The following UBXN8 variants were observed in gnomAD, a reference collection of about 807,000 sequenced individuals.
UBXN8 encodes UBX domain-containing protein 8.
Under a neutral mutation model 32.1 loss-of-function variants are expected in UBXN8, and 27 were observed. That is an observed-to-expected ratio of 0.84 (90% CI 0.62 to 1.16). The LOEUF (loss-of-function observed/expected upper bound fraction) is 1.16. UBXN8 is among the 50% of genes most tolerant of loss of function. The pLI is 0.00. For synonymous variants in UBXN8, 109 were observed against 111.8 expected (o/e 0.98, Z 0.16); for missense variants, 306 against 311.4 (o/e 0.98, Z 0.13).
chr8:30,729,342 C>A (rs1804896169), upstream of UBXN8, among the ~76,000 whole-genome samples: 1 of 152,238 alleles, frequency 6.6e-6, no homozygotes, highest in African/African-American at 2.4e-5. Flanking sequence ...ACATTTGAAA[C>A]TTGGTAAGAC....
chr8:30,760,766 T>A (rs1421545354), intron 5 of UBXN8, 122 bp from the exon 6 acceptor site: 2 of 645,576 alleles, frequency 3.1e-6, no homozygotes, highest in Middle Eastern at 2.8e-4. Context: ...TATAGATGTA[T>A]GAAGAAAAGA....
In UBXN8 at chr8:30,747,853, C is replaced by T. The variant is rs1363177944; in HGVS notation, c.89-3543C>T. Among the ~76,000 whole-genome samples the T allele has an allele frequency of 6.9e-5, 8 of 115,312 alleles. 1 individual carries two copies. The highest frequency in any genetic ancestry group is 1.4e-4 in the Non-Finnish European group (8 of 58,198). The allele number at this position is 115,312 out of a possible 152,430, so 75.6% of individuals were successfully genotyped here. On this transcript the variant is annotated intron_variant, in intron 1 of 7. Coordinates refer to ENST00000265616, the MANE Select transcript of UBXN8 (RefSeq NM_005671.4). The stretch of plus-strand genomic sequence containing the variant: ...GTGGCTCATGCCTGTAATCCCAGCA[C>T]TTTGGGAGGCCAAGTTTTCTTTTTT...
chr8:30,742,176 ATAAT>A (rs1805220151), upstream of UBXN8, among the ~76,000 whole-genome samples: 2 of 152,296 alleles, frequency 1.3e-5, no homozygotes, highest in African/African-American at 2.4e-5. Flanking sequence ...ACTAGTCAAT[ATAAT>A]TAATTATTTT....
chr8:30,753,150 A>C (rs1805560139), intron 3 of UBXN8, 45 bp downstream of exon 3: 3 of 1,443,714 alleles, frequency 2.1e-6, no homozygotes, highest in South Asian at 1.6e-5. Flanking sequence ...GAAATACAAA[A>C]ATCTCTGAGG....
intron 5 of UBXN8, among the ~76,000 whole-genome samples, chr8:30,760,063 T>TC (rs1805788678): frequency 3.6e-5 from 3 of 84,280 alleles, no homozygotes; most frequent in Non-Finnish European, 8.2e-5. Context: ...AATTTTCTTT[T>TC]CTTTTTTTTT....
chr8:30,760,885 T>C lies in UBXN8; in HGVS notation c.529-3T>C, dbSNP rs373191831. 71 of 1,533,844 alleles carry C rather than the reference T, an allele frequency of 4.6e-5. No individual in the cohort carries two copies. Among genetic ancestry groups the C allele is most frequent in the Non-Finnish European group, 4.7e-5 (54 of 1,136,932 alleles). On this transcript the variant is annotated splice_region_variant and splice_polypyrimidine_tract_variant and intron_variant, in intron 5 of 7. Coordinates refer to ENST00000265616, the MANE Select transcript of UBXN8 (RefSeq NM_005671.4). The stretch of plus-strand genomic sequence containing the variant: ...CATTCCTCTTACCAATACTTTTCTT[T>C]AGATTCCTGATTTACCTGAAGAACC...
At chr8:30,732,396 G>C (rs946622130), upstream of UBXN8, 3 of 380,392 alleles carry the variant, frequency 7.9e-6, no homozygotes, top group African/African-American at 7.3e-5. Flanking sequence ...TTTACTATCC[G>C]ACGGGGAGTG....
At chr8:30,763,063 C>T in intron 6 of UBXN8, 2 of 525,704 alleles carry the variant, frequency 3.8e-6, no homozygotes, top group South Asian at 2.4e-5. Context: ...CGGGGGGTGT[C>T]TCAAACTCCT....
intron 5 of UBXN8, among the ~76,000 whole-genome samples, chr8:30,758,994 C>T (rs554439148): frequency 1.1e-4 from 16 of 147,976 alleles, no homozygotes; most frequent in Admixed American, 6.8e-4. Context: ...CCCGGCTTCA[C>T]GCCATTCTCC....
At chr8:30,743,591 G>A (rs1805265615), upstream of UBXN8, among the ~76,000 whole-genome samples, 1 of 152,186 alleles carries the variant, frequency 6.6e-6, no homozygotes, top group African/African-American at 2.4e-5. Context: ...AACGCGTGCA[G>A]GCAAAACTGA....
rs1805009169 is a variant in UBXN8, at chr8:30,733,307, AG to A, written c.622+1del. 1.3e-5 allele frequency: 2 copies of A among 152,270 alleles called. No homozygotes were observed. The highest frequency in any genetic ancestry group is 4.1e-4 in the South Asian group (2 of 4,836). 9.4% of individuals were successfully genotyped at this position (152,270 alleles called of 1,614,324 possible). The stretch of plus-strand genomic sequence containing the variant: ...TAATTCGGGCCTTAGAACTCAGTGA[AG>A]GTAAGACTGTAAACATTTACACTGA... On this transcript the variant is annotated frameshift_variant and splice_region_variant, in exon 1 of 2. Coordinates refer to the UBXN8 transcript ENST00000522968. LOFTEE classifies it high-confidence loss of function.
At chr8:30,760,406 T>TATGCATACAC (rs1805798471) in intron 5 of UBXN8, among the ~76,000 whole-genome samples, 1 of 142,936 alleles carries the variant, frequency 7.0e-6, no homozygotes, top group Non-Finnish European at 1.5e-5. Flanking sequence ...TGTATGTGTA[T>TATGCATACAC]ATGCATACAC....
At chr8:30,730,415 T>C (rs995702049), upstream of UBXN8, among the ~76,000 whole-genome samples, 4 of 152,208 alleles carry the variant, frequency 2.6e-5, no homozygotes, top group African/African-American at 9.6e-5. Flanking sequence ...CTTGGGCTGA[T>C]TGCCACCAGT....
intron 5 of UBXN8, among the ~76,000 whole-genome samples, chr8:30,760,466 C>A (rs1805806236): frequency 2.2e-5 from 2 of 89,000 alleles, no homozygotes; most frequent in South Asian, 3.5e-4. Context: ...TTTAAAGTGA[C>A]AGGGTCTTGC....
chr8:30,755,115 C>T (rs943678939), intron 4 of UBXN8, among the ~76,000 whole-genome samples: 3 of 151,934 alleles, frequency 2.0e-5, no homozygotes, highest in African/African-American at 7.2e-5. Flanking sequence ...GCCACCATGC[C>T]CAGCTAATTT....
chr8:30,764,678 TAACTA>T (rs766032550), intron 7 of UBXN8, among the ~76,000 whole-genome samples: 4 of 152,216 alleles, frequency 2.6e-5, no homozygotes, highest in Admixed American at 6.6e-5. Flanking sequence ...ATTTTCTACT[TAACTA>T]GACTGTCAAA....
At position 30,759,007 on chromosome 8, in the gene UBXN8, C is replaced by A. The variant is rs553638867; in HGVS notation, c.529-1881C>A. Among the ~76,000 whole-genome samples, 15 of 150,642 alleles carry A rather than the reference C, an allele frequency of 1.0e-4. No homozygotes were observed. The South Asian group carries it at 3.1e-3, about 31-fold the overall frequency. Reference sequence around the variant, plus strand: ...CTCCCGGCTTCACGCCATTCTCCTGCCTCAGCCTCCCGGGTAGCTGGGACT... The same window carrying A: ...CTCCCGGCTTCACGCCATTCTCCTGACTCAGCCTCCCGGGTAGCTGGGACT... On this transcript the variant is annotated intron_variant, in intron 5 of 7. Coordinates refer to ENST00000265616, the MANE Select transcript of UBXN8 (RefSeq NM_005671.4).
intron 3 of UBXN8, chr8:30,754,307 G>A (rs1805590927): frequency 2.7e-6 from 1 of 373,680 alleles, no homozygotes; most frequent in African/African-American, 2.1e-5. Context: ...TTCTAAAGAT[G>A]GCACTTGGTT....
At chr8:30,735,282 T>C (rs1176488723) in intron 1 of UBXN8, among the ~76,000 whole-genome samples, 2 of 152,242 alleles carry the variant, frequency 1.3e-5, no homozygotes, top group Non-Finnish European at 2.9e-5. Flanking sequence ...ATTCAAATTC[T>C]GAAGGCCTAA....
Sources: allele counts gnomAD v4.1 joint callset (sites outside exome capture counted in the v4.1 genomes callset), GRCh38; gene constraint gnomAD v4.1.1; transcripts MANE v1.5; gene names NCBI Gene and HGNC (gene_info 2026-07-23, HGNC 2026-07-21).